The following DCDC2 variants were observed in gnomAD, a reference collection of about 807,000 sequenced individuals.
DCDC2 encodes the protein doublecortin domain containing 2.
Under a neutral mutation model 50.2 loss-of-function variants are expected in DCDC2, and 40 were observed. The ratio of observed to expected loss-of-function variants is 0.80; its 90% CI spans 0.62 to 1.04. The LOEUF is 1.04. DCDC2 is among the 50% of genes least tolerant of loss of function. The pLI is 0.00. For synonymous variants in DCDC2, 234 were observed against 210.6 expected (o/e 1.11, Z -0.96); for missense variants, 570 against 581.9 (o/e 0.98, Z 0.21).
chr6:24,208,540 T>C (rs1581587322), intron 7 of DCDC2, among the ~76,000 whole-genome samples: 2 of 152,082 alleles, frequency 1.3e-5, no homozygotes, highest in African/African-American at 2.4e-5. Flanking sequence ...CTGGCTAATT[T>C]TGTATTTTTA....
chr6:24,224,118 G>A (rs1015626467), intron 7 of DCDC2, among the ~76,000 whole-genome samples: 3 of 152,150 alleles, frequency 2.0e-5, no homozygotes, highest in Non-Finnish European at 4.4e-5. Flanking sequence ...ACAGTCAGAG[G>A]TGGTGTAAAA....
intron 5 of DCDC2, 100 bp downstream of exon 5, chr6:24,290,832 A>C: frequency 8.6e-6 from 9 of 1,046,750 alleles, no homozygotes; most frequent in Non-Finnish European, 1.2e-5. Flanking sequence ...GTAATAAATA[A>C]GATTATCAAT....
chr6:24,271,732 C>T (rs1457020390), intron 7 of DCDC2, among the ~76,000 whole-genome samples: 1 of 152,186 alleles, frequency 6.6e-6, no homozygotes, highest in Non-Finnish European at 1.5e-5. Flanking sequence ...GGGCAACCTA[C>T]ACAGCATCGG....
intron 4 of DCDC2, among the ~76,000 whole-genome samples, chr6:24,298,336 C>T (rs1759305295): frequency 6.6e-6 from 1 of 152,178 alleles, no homozygotes; most frequent in South Asian, 2.1e-4. Flanking sequence ...GTTGGGGAAC[C>T]CTGGAGAGTG....
intron 9 of DCDC2, among the ~76,000 whole-genome samples, 169 bp downstream of exon 9, chr6:24,178,160 TG>T (rs1760967872): frequency 6.6e-6 from 1 of 152,198 alleles, no homozygotes; most frequent in East Asian, 1.9e-4. Context: ...TATTGTTAAA[TG>T]GTTGAAATAA....
chr6:24,278,161 A>G lies in DCDC2; in HGVS notation c.810T>C (p.Ser270=), dbSNP rs1201615679. ...TCCCTTTCCTCTTCAGGGGCTGAGG[A>G]GATGAGTTGTCACTGGATCCAACTG... ...KSTVGSSDNS[S]PQPLKRKGKK... Residue 270 remains serine, a synonymous_variant, in exon 7 of 10, where the codon TCT becomes TCC. Coordinates refer to ENST00000378454, the MANE Select transcript of DCDC2 (RefSeq NM_016356.5). 1.2e-6 allele frequency: 2 copies of G among 1,613,598 alleles called. No homozygotes were observed. Among genetic ancestry groups the G allele is most frequent in the Admixed American group, 1.7e-5 (1 of 59,934 alleles).
At chr6:24,179,964 A>AAAAAT (rs1554142620) in intron 8 of DCDC2, among the ~76,000 whole-genome samples, 5 of 147,414 alleles carry the variant, frequency 3.4e-5, no homozygotes, top group Non-Finnish European at 6.0e-5. Flanking sequence ...AAAAAAAAAA[A>AAAAAT]AAAAAAACAA....
At position 24,357,644 on chromosome 6, in the gene DCDC2, A is replaced by T. The variant is rs375996594; in HGVS notation, c.107T>A (p.Ile36Asn). 2.5e-6 allele frequency: 4 copies of T among 1,613,328 alleles called. No homozygotes were observed. Among genetic ancestry groups the T allele is most frequent in the Non-Finnish European group, 3.4e-6 (4 of 1,180,044 alleles). The change falls in exon 1 of 10, where the codon ATC becomes AAC. Residue 36 changes from isoleucine to asparagine, a missense_variant. Transcript: ENST00000378454. ...GAAGCTGGACACCTTCTTCTCATGGATGACGACGCGGCGCCCCGCGTAGAA... is the reference window on the plus strand; with the variant it reads ...GAAGCTGGACACCTTCTTCTCATGGTTGACGACGCGGCGCCCCGCGTAGAA... ...DPFYAGRRVVIHEKKVSSFEV... is the reference protein window; with the variant it reads ...DPFYAGRRVVNHEKKVSSFEV...
Position 24,332,291 on chromosome 6 carries a change from G to A in DCDC2, c.348+21278C>T, listed in dbSNP as rs185599898. Reference sequence around the variant, plus strand: ...ATAAATGCAATAGGAGTGATGCTGCGTGATGTCCAAGCATCTTTTCCTCGC... The same window carrying A: ...ATAAATGCAATAGGAGTGATGCTGCATGATGTCCAAGCATCTTTTCCTCGC... On this transcript the variant is annotated intron_variant, in intron 2 of 9. Coordinates refer to ENST00000378454, the MANE Select transcript of DCDC2 (RefSeq NM_016356.5). Among the ~76,000 whole-genome samples, 706 of 152,226 alleles carry A rather than the reference G, an allele frequency of 4.6e-3. 6 individuals are homozygous for A. The highest frequency in any genetic ancestry group is 0.02 in the Middle Eastern group (6 of 294).
intron 2 of DCDC2, among the ~76,000 whole-genome samples, chr6:24,309,290 A>T (rs1759530143): frequency 1.2e-5 from 1 of 85,458 alleles, no homozygotes; most frequent in Non-Finnish European, 3.0e-5. Context: ...ACGCCATTGC[A>T]CTCCAGCCCG....
intron 7 of DCDC2, among the ~76,000 whole-genome samples, chr6:24,210,019 G>GGGGTGTGTGTGTGTGTGT (rs1360438467): frequency 6.9e-6 from 1 of 145,198 alleles, no homozygotes; most frequent in Admixed American, 6.8e-5. Context: ...GCAGTATCAG[G>GGGGTGTGTGTGTGTGTGT]GTGTGTGTGT....
Position 24,174,819 on chromosome 6 carries a change from G to T in DCDC2, c.1342C>A (p.Gln448Lys), listed in dbSNP as rs1301344173. ...SGQDEADVDP[Q>K]RPPRPEVKIT... ...TTTACTTCTGGCCTTGGTGGTCTTT[G>T]AGGGTCTACATCAGCCTAGAAGAAA... Residue 448 changes from glutamine (Q) to lysine (K), a missense_variant, in exon 10 of 10, where the codon CAA (glutamine) becomes AAA (lysine). Transcript: ENST00000378454. 3 of 1,612,758 alleles carry T rather than the reference G, an allele frequency of 1.9e-6. No homozygotes were observed. The Admixed American group carries it at 5.0e-5, about 27-fold the overall frequency.
intron 7 of DCDC2, among the ~76,000 whole-genome samples, chr6:24,216,791 T>G (rs933849684): frequency 3.3e-5 from 5 of 152,258 alleles, no homozygotes; most frequent in Non-Finnish European, 7.3e-5. Context: ...CATGGCCAAG[T>G]TAAACCGATA....
In DCDC2 at chr6:24,325,539, AAAG is replaced by A. The variant is rs568347955; in HGVS notation, c.349-23498_349-23496del. Among the ~76,000 whole-genome samples, 32 of 149,740 alleles carry A rather than the reference AAAG, an allele frequency of 2.1e-4. 1 individual carries two copies. Among genetic ancestry groups the A allele is most frequent in the African/African-American group, 7.7e-4 (32 of 41,422 alleles). On this transcript the variant is annotated intron_variant, in intron 2 of 9. Transcript: ENST00000378454. ...CCCCATTTCTGTGAGGTTGTTCCTC[AAAG>A]AAGAATCAAAGATTTCAGTCACATT...
At chr6:24,327,532 G>A (rs1467908884) in intron 2 of DCDC2, among the ~76,000 whole-genome samples, 1 of 133,004 alleles carries the variant, frequency 7.5e-6, no homozygotes, top group Non-Finnish European at 1.7e-5. Context: ...GGAGTACAAG[G>A]GCCCAATCTT....
At chr6:24,299,773 G>C (rs1326811844) in intron 4 of DCDC2, among the ~76,000 whole-genome samples, 1 of 151,920 alleles carries the variant, frequency 6.6e-6, no homozygotes, top group Non-Finnish European at 1.5e-5. Flanking sequence ...TTTTTAATTA[G>C]ATGGGCATGG....
At chr6:24,307,996 C>T (rs1027593311) in intron 2 of DCDC2, among the ~76,000 whole-genome samples, 2 of 152,104 alleles carry the variant, frequency 1.3e-5, no homozygotes, top group Non-Finnish European at 2.9e-5. Flanking sequence ...TCCCCAGGGG[C>T]ACAAAAGGCA....
chr6:24,174,538 A>G lies in DCDC2; in HGVS notation c.*192T>C. On this transcript the variant is annotated 3_prime_UTR_variant, in exon 10 of 10. Coordinates refer to ENST00000378454, the MANE Select transcript of DCDC2 (RefSeq NM_016356.5). ...TATGACTTTTAAAACACATGCAATA[A>G]AAGTAAGTAATTATCCTTTAGTAGC... 1.2e-5 allele frequency: 5 copies of G among 433,888 alleles called. No individual in the cohort carries two copies. Among genetic ancestry groups the G allele is most frequent in the Non-Finnish European group, 2.1e-5 (5 of 243,602 alleles). The allele number at this position is 433,888 out of a possible 1,614,324, so 26.9% of individuals were successfully genotyped here.
intron 2 of DCDC2, among the ~76,000 whole-genome samples, chr6:24,325,242 C>T (rs1487160893): frequency 7.2e-6 from 1 of 139,292 alleles, no homozygotes; most frequent in Non-Finnish European, 1.6e-5. Flanking sequence ...CGCTCACTTA[C>T]ATTTGCCATC....
Sources: gnomAD v4.1 joint callset for allele counts (sites outside exome capture counted in the v4.1 genomes callset) on GRCh38, gnomAD v4.1.1 for gene constraint, MANE v1.5 for transcripts, NCBI Gene and HGNC (gene_info 2026-07-23, HGNC 2026-07-21) for gene names.